The following NUDT3 variants were observed in gnomAD, a reference collection of about 807,000 sequenced individuals.
NUDT3 encodes the protein nudix hydrolase 3, also known as diphosphoinositol polyphosphate phosphohydrolase 1.
Under a neutral mutation model 23.6 loss-of-function variants are expected in NUDT3, and 9 were observed. That is an observed-to-expected ratio of 0.38 (90% CI 0.23 to 0.66). The LOEUF is 0.66. Ranked by LOEUF, NUDT3 falls within the 30% of genes least tolerant of loss-of-function variation. NUDT3 has a pLI of 0.52. For synonymous variants in NUDT3, 86 were observed against 82.6 expected (o/e 1.04, Z -0.22); for missense variants, 172 against 218.5 (o/e 0.79, Z 1.34).
At chr6:34,301,858 C>A (rs368450192) in intron 2 of NUDT3, among the ~76,000 whole-genome samples, 2 of 152,134 alleles carry the variant, frequency 1.3e-5, no homozygotes, top group East Asian at 1.9e-4. Context: ...AGCCATTTTC[C>A]CTCCCCACTT....
chr6:34,308,460 CAAAAAA>C (rs1183799403), intron 2 of NUDT3, among the ~76,000 whole-genome samples: 1 of 81,960 alleles, frequency 1.2e-5, no homozygotes, highest in Non-Finnish European at 2.7e-5. Flanking sequence ...GATCGTCTCT[CAAAAAA>C]AAAAAAAAAA....
At chr6:34,297,759 A>ATATATATATATATATATATATAT (rs60517827) in intron 2 of NUDT3, among the ~76,000 whole-genome samples, 2 of 71,108 alleles carry the variant, frequency 2.8e-5, no homozygotes, top group African/African-American at 6.6e-5. Flanking sequence ...ATATATATAT[A>ATATATATATATATATATATATAT]ATTTTTTTTT....
At chr6:34,348,602 C>G (rs1764417661) in intron 1 of NUDT3, among the ~76,000 whole-genome samples, 1 of 151,886 alleles carries the variant, frequency 6.6e-6, no homozygotes, top group Non-Finnish European at 1.5e-5. Flanking sequence ...ACAGTGAAAC[C>G]CCGTCTCTAC....
intron 4 of NUDT3, among the ~76,000 whole-genome samples, chr6:34,291,498 T>C (rs2113692121): frequency 6.6e-6 from 1 of 152,078 alleles, no homozygotes; most frequent in Non-Finnish European, 1.5e-5. Flanking sequence ...AGCTTTTCTT[T>C]AACATTGACA....
chr6:34,383,503 T>C (rs910802685), intron 1 of NUDT3, among the ~76,000 whole-genome samples: 4 of 152,178 alleles, frequency 2.6e-5, no homozygotes, highest in African/African-American at 4.8e-5. Flanking sequence ...TCCTCCCACG[T>C]AGGCCTCCCA....
At chr6:34,385,306 G>A (rs1267733582) in intron 1 of NUDT3, among the ~76,000 whole-genome samples, 1 of 152,008 alleles carries the variant, frequency 6.6e-6, no homozygotes, top group Non-Finnish European at 1.5e-5. Context: ...TAAAAAATAT[G>A]GCCAGGCACA....
chr6:34,341,949 G>A lies in NUDT3; in HGVS notation c.123C>T (p.Arg41=), dbSNP rs1764294311. The A allele has an allele frequency of 1.2e-6, 2 of 1,613,912 alleles. No individual in the cohort carries two copies. The highest frequency in any genetic ancestry group is 2.2e-5 in the East Asian group (1 of 44,868). Residue 41 remains arginine, a synonymous_variant, in exon 2 of 5, where the codon CGC becomes CGT. Transcript: ENST00000607016. ...EEEVLLVSSS[R]HPDRWIVPGG... Reference sequence around the variant, plus strand: ...CAGGGACAATCCATCTGTCTGGATGGCGACTACTGCTCACGAGTAGCACCT... The same window carrying A: ...CAGGGACAATCCATCTGTCTGGATGACGACTACTGCTCACGAGTAGCACCT...
rs140070236 is a variant in NUDT3 at position 34,347,977 on chromosome 6, AAAATAAAT to A, written c.100-6013_100-6006del. On this transcript the variant is annotated intron_variant, in intron 1 of 4. Transcript: ENST00000607016. ...TACTGAAACCCCCATGTCTACCAAA[AAAATAAAT>A]AAATAAATAAATAAATAAAAATAAA... Among the ~76,000 whole-genome samples the A allele has an allele frequency of 6.2e-3, 936 of 151,520 alleles. 11 individuals carry two copies. The highest frequency in any genetic ancestry group is 0.021 in the African/African-American group (882 of 41,218).
At chr6:34,359,949 T>C (rs1764621068) in intron 1 of NUDT3, among the ~76,000 whole-genome samples, 1 of 152,200 alleles carries the variant, frequency 6.6e-6, no homozygotes, top group Non-Finnish European at 1.5e-5. Flanking sequence ...CTAGTGGGTG[T>C]GACATGTTAA....
rs571744928 is a variant in NUDT3, at chr6:34,363,711, C to G, written c.100-21739G>C. The stretch of plus-strand genomic sequence containing the variant: ...TGAAATGTCAGAAAAGTTCCTCCTA[C>G]CCCCACAATCATCCTCACAATAGAA... On this transcript the variant is annotated intron_variant, in intron 1 of 4. Coordinates refer to ENST00000607016, the MANE Select transcript of NUDT3 (RefSeq NM_006703.4). Among the ~76,000 whole-genome samples the G allele has an allele frequency of 2.6e-5, 4 of 152,264 alleles. No homozygotes were observed. In the South Asian group the frequency reaches 8.3e-4, roughly 32 times the overall value.
At position 34,298,557 on chromosome 6, in the gene NUDT3, A is replaced by T. The variant is rs375548112; in HGVS notation, c.211-2872T>A. Among the ~76,000 whole-genome samples, 61 of 152,256 alleles carry T rather than the reference A, an allele frequency of 4.0e-4. 1 individual carries two copies. In the East Asian group the frequency reaches 7.9e-3, roughly 20 times the overall value. ...ATTATGCTGCCATTTGTACACCAAC[A>T]TTTCAGTGGTATTTTTCACTTCTAA... On this transcript the variant is annotated intron_variant, in intron 2 of 4. Coordinates refer to ENST00000607016, the MANE Select transcript of NUDT3 (RefSeq NM_006703.4).
At chr6:34,371,985 C>T (rs994039829) in intron 1 of NUDT3, among the ~76,000 whole-genome samples, 3 of 152,328 alleles carry the variant, frequency 2.0e-5, no homozygotes, top group South Asian at 2.1e-4. Context: ...TAAGTGAGAA[C>T]ACGCAGTGTT....
chr6:34,392,327 G>GT lies in NUDT3; in HGVS notation c.35dup (p.Tyr12Ter). ...MKLKSNQTRT[Y>*]DGDGYKKRAA... ...CCCGCTTCTTGTAGCCGTCGCCGTCGTAGGTGCGGGTCTGGTTCGACTTGA... is the reference window on the plus strand; with the variant it reads ...CCCGCTTCTTGTAGCCGTCGCCGTCGTTAGGTGCGGGTCTGGTTCGACTTGA... Residue 12 changes from tyrosine (Y) to a stop codon, truncating the protein, a stop_gained and frameshift_variant, in exon 1 of 5, where the codon TAC becomes TAAC. Transcript: ENST00000607016. LOFTEE classifies it high-confidence loss of function. 1 of 1,606,442 alleles carries GT rather than the reference G, an allele frequency of 6.2e-7. No homozygotes were observed. The highest frequency in any genetic ancestry group is 8.5e-7 in the Non-Finnish European group (1 of 1,177,520).
chr6:34,351,769 G>GA (rs1764483061), intron 1 of NUDT3, among the ~76,000 whole-genome samples: 1 of 128,766 alleles, frequency 7.8e-6, no homozygotes, highest in African/African-American at 3.1e-5. Flanking sequence ...AAAAGAAATA[G>GA]AAAAAATATA....
At position 34,297,098 on chromosome 6, in the gene NUDT3, A is replaced by C. The variant is rs374160142; in HGVS notation, c.211-1413T>G. 2.4e-4 allele frequency among the ~76,000 whole-genome samples: 37 copies of C among 151,474 alleles called. 1 individual carries two copies. The South Asian group carries it at 7.3e-3, about 30-fold the overall frequency. On this transcript the variant is annotated intron_variant, in intron 2 of 4. Transcript: ENST00000607016. ...AGGTGCCCGCCACCACGCCCGGCTA[A>C]TTTTTTCTATTTTTTAGTAGAGACA...
rs186684928 is a variant in NUDT3 at position 34,287,402 on chromosome 6, C to A, written c.*1351G>T. Reference sequence around the variant, plus strand: ...ACACAATTGGCAAATGAAGCCAGCACGAAACTGTATCAAAAAACAAGAGAG... The same window carrying A: ...ACACAATTGGCAAATGAAGCCAGCAAGAAACTGTATCAAAAAACAAGAGAG... On this transcript the variant is annotated 3_prime_UTR_variant, in exon 5 of 5. Coordinates refer to ENST00000607016, the MANE Select transcript of NUDT3 (RefSeq NM_006703.4). The A allele has an allele frequency of 6.6e-6, 1 of 152,274 alleles. No individual in the cohort carries two copies. Among genetic ancestry groups the A allele is most frequent in the East Asian group, 1.9e-4 (1 of 5,186 alleles). The allele number at this position is 152,274 out of a possible 1,614,324, so 9.4% of individuals were successfully genotyped here. A position where few individuals can be genotyped will look rare whatever the true frequency, so the allele number is the denominator to read the frequency against.
rs189514878 is a variant in NUDT3 at position 34,375,069 on chromosome 6, G to A, written c.99+17195C>T. ...GGTAATAAGTTACCAGAGTTCGGCC[G>A]GGCGCTGTGGCTCATGCCTGTAATC... On this transcript the variant is annotated intron_variant, in intron 1 of 4. Coordinates refer to ENST00000607016, the MANE Select transcript of NUDT3 (RefSeq NM_006703.4). Among the ~76,000 whole-genome samples, 25 of 152,212 alleles carry A rather than the reference G, an allele frequency of 1.6e-4. No individual in the cohort carries two copies. In the South Asian group the frequency reaches 2.5e-3, roughly 15 times the overall value.
At chr6:34,342,434 G>C (rs1253268249) in intron 1 of NUDT3, among the ~76,000 whole-genome samples, 1 of 152,032 alleles carries the variant, frequency 6.6e-6, no homozygotes, top group African/African-American at 2.4e-5. Flanking sequence ...CCCATGAACT[G>C]GGAGCTGTAT....
chr6:34,369,590 T>A lies in NUDT3; in HGVS notation c.99+22674A>T, dbSNP rs572680209. Among the ~76,000 whole-genome samples, 11 of 152,154 alleles carry A rather than the reference T, an allele frequency of 7.2e-5. No homozygotes were observed. In the East Asian group the frequency reaches 2.1e-3, roughly 29 times the overall value. On this transcript the variant is annotated intron_variant, in intron 1 of 4. Transcript: ENST00000607016. ...ACAGCGATAGGTACTAGGAAGGAAA[T>A]TAAAGACCATGATGTGACAGTGTGT...
Sources: allele counts gnomAD v4.1 joint callset (sites outside exome capture counted in the v4.1 genomes callset), GRCh38; gene constraint gnomAD v4.1.1; transcripts MANE v1.5; gene names NCBI Gene and HGNC (gene_info 2026-07-23, HGNC 2026-07-21).